The following CCDC158 variants were observed in gnomAD, a reference collection of about 807,000 sequenced individuals.
CCDC158 encodes the protein coiled-coil domain-containing protein 158.
Under a neutral mutation model 138.6 loss-of-function variants are expected in CCDC158, and 116 were observed. That is an observed-to-expected ratio of 0.84 (90% CI 0.72 to 0.98). CCDC158 has a LOEUF of 0.98. Among genes scored for constraint, CCDC158 ranks in the 50% least tolerant of loss-of-function variants. CCDC158 has a pLI of 0.00. For missense variants in CCDC158, 1,265 were observed against 1,306.1 expected (o/e 0.97, Z 0.48); for synonymous variants, 436 against 442.4 (o/e 0.99, Z 0.18).
intron 18 of CCDC158, chr4:76,344,552 G>T: frequency 2.9e-6 from 3 of 1,021,192 alleles, no homozygotes; most frequent in South Asian, 2.5e-5. Flanking sequence ...ATGAATAGCT[G>T]ACATCTGTAT....
chr4:76,361,105 C>G (rs1371782970), intron 13 of CCDC158, among the ~76,000 whole-genome samples: 4 of 152,136 alleles, frequency 2.6e-5, no homozygotes, highest in African/African-American at 9.7e-5. Context: ...TAGCACCTCC[C>G]CCTTTGTGTG....
In CCDC158 at chr4:76,421,109, G is replaced by C. The variant is rs955117760; in HGVS notation, c.-261C>G. On this transcript the variant is annotated 5_prime_UTR_variant, in exon 1 of 25. Transcript: ENST00000682701. Reference sequence around the variant, plus strand: ...CTAGGCCCCGCGGAGGCTGCGGGGCGGCTCCTCCTCCTCGGCTGCGGCGCC... The same window carrying C: ...CTAGGCCCCGCGGAGGCTGCGGGGCCGCTCCTCCTCCTCGGCTGCGGCGCC... 3.3e-5 allele frequency among the ~76,000 whole-genome samples: 5 copies of C among 151,962 alleles called. No homozygotes were observed. Among genetic ancestry groups the C allele is most frequent in the African/African-American group, 4.8e-5 (2 of 41,412 alleles).
chr4:76,323,415 A>G lies in CCDC158; in HGVS notation c.3170-6T>C, dbSNP rs1007184079. ...TATTGGCGGAGACTGTGAATCTATT[A>G]GAAAATTGCTTAGATGTGATATTAA... On this transcript the variant is annotated splice_region_variant and splice_polypyrimidine_tract_variant and intron_variant, in intron 23 of 24. Transcript: ENST00000682701. The G allele has an allele frequency of 3.1e-6, 5 of 1,602,384 alleles. No individual in the cohort carries two copies. In the African/African-American group the frequency reaches 6.7e-5, roughly 21 times the overall value.
intron 1 of CCDC158, among the ~76,000 whole-genome samples, chr4:76,413,726 C>T (rs2109917440): frequency 6.6e-6 from 1 of 152,180 alleles, no homozygotes; most frequent in African/African-American, 2.4e-5. Context: ...CTAGAAAAAT[C>T]TCTAAAATCT....
chr4:76,361,737 A>C (rs1724168085), intron 13 of CCDC158, among the ~76,000 whole-genome samples: 1 of 152,168 alleles, frequency 6.6e-6, no homozygotes, highest in South Asian at 2.1e-4. Context: ...CTTCATTAGT[A>C]AACTTCTAAT....
At position 76,351,780 on chromosome 4, in the gene CCDC158, T is replaced by C; in HGVS notation, c.2478A>G (p.Ile826Met). ...CTGATTCTTGCTCCTGACGCTGTATTATATCTTGACATTCTGCAAACTGCA... is the reference window on the plus strand; with the variant it reads ...CTGATTCTTGCTCCTGACGCTGTATCATATCTTGACATTCTGCAAACTGCA... ...ASLQFAECQD[I>M]IQRQEQESVR... Residue 826 changes from isoleucine (I) to methionine (M), a missense_variant, in exon 17 of 25, where the codon ATA (isoleucine) becomes ATG (methionine). Coordinates refer to ENST00000682701, the MANE Select transcript of CCDC158 (RefSeq NM_001394954.1). 2.5e-6 allele frequency: 4 copies of C among 1,613,176 alleles called. No individual in the cohort carries two copies. The highest frequency in any genetic ancestry group is 2.5e-6 in the Non-Finnish European group (3 of 1,179,278).
Position 76,396,364 on chromosome 4 carries a change from T to C in CCDC158, c.193A>G (p.Arg65Gly), listed in dbSNP as rs1727782110. Residue 65 changes from arginine (R) to glycine (G), a missense_variant, in exon 4 of 25, where the codon AGA becomes GGA. Arg to Gly is a moderately radical substitution (Grantham distance 125). Coordinates refer to ENST00000682701, the MANE Select transcript of CCDC158 (RefSeq NM_001394954.1). Reference protein sequence around the residue: ...PKYEVELDSPRKIIPSPGKEH... With the variant: ...PKYEVELDSPGKIIPSPGKEH... ...TTTCCAGGAGATGGGATGATTTTTCTAGGAGAATCAAGTTCCACTTCATAT... is the reference window on the plus strand; with the variant it reads ...TTTCCAGGAGATGGGATGATTTTTCCAGGAGAATCAAGTTCCACTTCATAT... 1 of 1,613,914 alleles carries C rather than the reference T, an allele frequency of 6.2e-7. No individual in the cohort carries two copies. Among genetic ancestry groups the C allele is most frequent in the Non-Finnish European group, 8.5e-7 (1 of 1,179,804 alleles).
intron 13 of CCDC158, among the ~76,000 whole-genome samples, chr4:76,358,858 T>C (rs145761500): frequency 5.3e-4 from 81 of 152,340 alleles, no homozygotes; most frequent in African/African-American, 1.8e-3. Context: ...GTGTCTTGCA[T>C]AGTAAATGCT....
chr4:76,345,870 C>A (rs1162032762), intron 18 of CCDC158, among the ~76,000 whole-genome samples: 2 of 151,746 alleles, frequency 1.3e-5, no homozygotes, highest in South Asian at 2.1e-4. Flanking sequence ...TGACTTTCTT[C>A]AAAAAATTAG....
At chr4:76,350,223 GT>G (rs1424953545) in intron 18 of CCDC158, among the ~76,000 whole-genome samples, 1 of 152,104 alleles carries the variant, frequency 6.6e-6, no homozygotes, top group East Asian at 1.9e-4. Flanking sequence ...ACTACTCTTT[GT>G]TGTATGATAG....
chr4:76,390,082 G>T (rs538115694), intron 4 of CCDC158, among the ~76,000 whole-genome samples: 28 of 152,202 alleles, frequency 1.8e-4, no homozygotes, highest in African/African-American at 5.5e-4. Context: ...TGTAATTGTG[G>T]TGTGTAAACT....
At chr4:76,379,743 T>TACACAC (rs34043671) in intron 8 of CCDC158, among the ~76,000 whole-genome samples, 151 of 147,076 alleles carry the variant, frequency 1.0e-3, no homozygotes, top group South Asian at 2.9e-3. Context: ...TCATATATAT[T>TACACAC]ACACACACAC....
intron 2 of CCDC158, among the ~76,000 whole-genome samples, chr4:76,405,322 A>T (rs1281774689): frequency 6.6e-6 from 1 of 152,170 alleles, no homozygotes; most frequent in Non-Finnish European, 1.5e-5. Flanking sequence ...AAGCCACAAA[A>T]AAGCAGTTTT....
At chr4:76,358,491 C>T (rs143565897) in intron 13 of CCDC158, among the ~76,000 whole-genome samples, 49 of 152,312 alleles carry the variant, frequency 3.2e-4, no homozygotes, top group Non-Finnish European at 1.9e-4. Context: ...CCACATTACC[C>T]GGCTCTACCT....
chr4:76,330,649 T>C (rs1720927645), intron 21 of CCDC158, among the ~76,000 whole-genome samples: 1 of 152,226 alleles, frequency 6.6e-6, no homozygotes, highest in South Asian at 2.1e-4. Flanking sequence ...TTTTTTCTTG[T>C]CATTATTCCC....
chr4:76,357,040 G>C (rs571622154), intron 14 of CCDC158, among the ~76,000 whole-genome samples: 1 of 152,106 alleles, frequency 6.6e-6, no homozygotes, highest in South Asian at 2.1e-4. Context: ...GAAAAATAAA[G>C]GATTGAATGG....
At chr4:76,396,194 G>T in intron 4 of CCDC158, 75 bp downstream of exon 4, 1 of 997,968 alleles carries the variant, frequency 1.0e-6, no homozygotes, top group Non-Finnish European at 1.5e-6. Context: ...TTGTATAACT[G>T]GCTTTACAAC....
At chr4:76,324,273 T>C (rs550282074) in intron 23 of CCDC158, among the ~76,000 whole-genome samples, 1 of 151,544 alleles carries the variant, frequency 6.6e-6, no homozygotes, top group East Asian at 2.0e-4. Context: ...TTGCAACCTC[T>C]GCCTCCCGGG....
chr4:76,329,244 A>T (rs1008486062), intron 21 of CCDC158, among the ~76,000 whole-genome samples: 9 of 152,176 alleles, frequency 5.9e-5, no homozygotes, highest in African/African-American at 2.2e-4. Flanking sequence ...AATCCACGTC[A>T]TCTGTTCATG....
Sources: allele counts gnomAD v4.1 joint callset (sites outside exome capture counted in the v4.1 genomes callset), GRCh38; gene constraint gnomAD v4.1.1; transcripts MANE v1.5; gene names NCBI Gene and HGNC (gene_info 2026-07-23, HGNC 2026-07-21).